The following SLC25A20 variants were observed in gnomAD, a reference collection of about 807,000 sequenced individuals.
SLC25A20 encodes the protein solute carrier family 25 member 20.
SLC25A20 carries 29 observed loss-of-function variants against 39.7 expected under a neutral mutation model. The observed-to-expected ratio is 0.73, with a 90% confidence interval of 0.54 to 1.00. The LOEUF (loss-of-function observed/expected upper bound fraction) is 1.00, where lower values mean the gene tolerates loss of function less well. SLC25A20 is among the 50% of genes least tolerant of loss of function. SLC25A20 has a pLI of 0.00. For missense variants in SLC25A20, 333 were observed against 379.9 expected, an observed-to-expected ratio of 0.88 and a Z score of 1.03; for synonymous variants, 103 against 142.2, an observed-to-expected ratio of 0.72 and a Z score of 1.96.
intron 4 of SLC25A20, among the ~76,000 whole-genome samples, chr3:48,865,676 C>T (rs1246468001): frequency 1.5e-5 from 2 of 134,384 alleles, no homozygotes; most frequent in Non-Finnish European, 3.2e-5. Context: ...GGCTGAGGCA[C>T]AAGAATCACT....
intron 1 of SLC25A20, among the ~76,000 whole-genome samples, chr3:48,895,075 C>A (rs2083902113): frequency 6.6e-6 from 1 of 152,152 alleles, no homozygotes; most frequent in South Asian, 2.1e-4. Context: ...ATGGTGCGAT[C>A]TGGGCTCACC....
intron 4 of SLC25A20, among the ~76,000 whole-genome samples, chr3:48,878,017 C>T (rs2083771139): frequency 6.6e-6 from 1 of 151,920 alleles, no homozygotes; most frequent in Admixed American, 6.6e-5. Context: ...AATCCCAGAA[C>T]TTTGGGAGGC....
At chr3:48,895,774 C>G (rs1197248041) in intron 1 of SLC25A20, 2 of 456,578 alleles carry the variant, frequency 4.4e-6, no homozygotes, top group South Asian at 1.5e-5. Context: ...CAAAATCCCT[C>G]ATATTGTCCT....
At chr3:48,863,739 G>A (rs1480055962) in intron 4 of SLC25A20, among the ~76,000 whole-genome samples, 4 of 152,136 alleles carry the variant, frequency 2.6e-5, no homozygotes, top group African/African-American at 7.2e-5. Flanking sequence ...AGAAAAGGCC[G>A]GGCACGGTGG....
intron 3 of SLC25A20, among the ~76,000 whole-genome samples, chr3:48,880,285 T>C (rs1414712814): frequency 6.6e-6 from 1 of 151,988 alleles, no homozygotes; most frequent in Non-Finnish European, 1.5e-5. Flanking sequence ...GTCTTTTTGT[T>C]TGTTTGTGTT....
intron 4 of SLC25A20, among the ~76,000 whole-genome samples, chr3:48,873,519 GA>G (rs2083732634): frequency 6.6e-6 from 1 of 151,772 alleles, no homozygotes; most frequent in Non-Finnish European, 1.5e-5. Context: ...TGAAGCAGGA[GA>G]ATGGCATGAA....
intron 2 of SLC25A20, among the ~76,000 whole-genome samples, chr3:48,885,750 C>G (rs918008300): frequency 2.0e-5 from 3 of 151,938 alleles, no homozygotes; most frequent in African/African-American, 7.3e-5. Context: ...TGCAGTGAGC[C>G]GAGATTGTGC....
chr3:48,870,287 G>C (rs1421460423), intron 4 of SLC25A20, among the ~76,000 whole-genome samples: 2 of 152,188 alleles, frequency 1.3e-5, no homozygotes, highest in Non-Finnish European at 2.9e-5. Flanking sequence ...TGTAGTCCCA[G>C]CTACGCGGGA....
chr3:48,890,987 C>T lies in SLC25A20; in HGVS notation c.198+993G>A, dbSNP rs148341124. On this transcript the variant is annotated intron_variant, in intron 2 of 8. Transcript: ENST00000319017. ...GTCTTGTATTCAATAAATATCAGCG[C>T]GCCCAGCCATGCAAGGCCACTACCA... Among the ~76,000 whole-genome samples, 1,266 of 151,996 alleles carry T rather than the reference C, an allele frequency of 8.3e-3. 12 individuals carry two copies. Among genetic ancestry groups the T allele is most frequent in the African/African-American group, 0.028 (1,142 of 41,486 alleles).
chr3:48,869,030 T>C (rs1057117997), intron 4 of SLC25A20, among the ~76,000 whole-genome samples: 6 of 152,130 alleles, frequency 3.9e-5, no homozygotes, highest in African/African-American at 1.4e-4. Flanking sequence ...TACTTAGCAA[T>C]AAAAATGAGC....
intron 5 of SLC25A20, among the ~76,000 whole-genome samples, chr3:48,861,775 C>G (rs1248889521): frequency 6.6e-6 from 1 of 151,670 alleles, no homozygotes; most frequent in Non-Finnish European, 1.5e-5. Context: ...ACCAGTAATC[C>G]CGGCACCTTG....
intron 1 of SLC25A20, 105 bp from the exon 2 acceptor site, chr3:48,892,177 G>T: frequency 1.2e-6 from 1 of 845,924 alleles, no homozygotes; most frequent in Non-Finnish European, 2.0e-6. Flanking sequence ...CTGTACCCTT[G>T]TACATGTCTT....
intron 4 of SLC25A20, among the ~76,000 whole-genome samples, chr3:48,865,071 A>G (rs1207508410): frequency 6.6e-6 from 1 of 152,204 alleles, no homozygotes; most frequent in African/African-American, 2.4e-5. Flanking sequence ...ACCTATTAGC[A>G]TCCACATAGA....
At chr3:48,879,990 G>A (rs1264043052) in intron 3 of SLC25A20, among the ~76,000 whole-genome samples, 1 of 152,162 alleles carries the variant, frequency 6.6e-6, no homozygotes, top group Non-Finnish European at 1.5e-5. Flanking sequence ...AAGGAGGATG[G>A]CTGTGGCCAC....
chr3:48,862,457 C>T, intron 5 of SLC25A20, 85 bp downstream of exon 5: 2 of 835,208 alleles, frequency 2.4e-6, no homozygotes, highest in Non-Finnish European at 4.2e-6. Flanking sequence ...CAAGGCTAAT[C>T]TGGCAATCCA....
At chr3:48,876,877 C>A (rs1427132680) in intron 4 of SLC25A20, among the ~76,000 whole-genome samples, 2 of 151,742 alleles carry the variant, frequency 1.3e-5, no homozygotes, top group African/African-American at 4.8e-5. Flanking sequence ...GGGTGGATCA[C>A]CTCAGGTCAG....
intron 3 of SLC25A20, among the ~76,000 whole-genome samples, chr3:48,883,689 C>T (rs1203921069): frequency 5.2e-5 from 7 of 134,888 alleles, no homozygotes; most frequent in East Asian, 2.5e-4. Flanking sequence ...GGTGCCATCT[C>T]GGCTCACTGC....
chr3:48,893,178 C>T (rs933865111), intron 1 of SLC25A20, among the ~76,000 whole-genome samples: 1 of 151,936 alleles, frequency 6.6e-6, no homozygotes, highest in African/African-American at 2.4e-5. Flanking sequence ...CAGGTGCACA[C>T]CACAATGCCA....
At chr3:48,862,349 G>A (rs2083634509) in intron 5 of SLC25A20, among the ~76,000 whole-genome samples, 193 bp downstream of exon 5, 1 of 152,166 alleles carries the variant, frequency 6.6e-6, no homozygotes, top group African/African-American at 2.4e-5. Context: ...GCAGACACCT[G>A]GGAAAGATGG....
Sources: allele counts gnomAD v4.1 joint callset (sites outside exome capture counted in the v4.1 genomes callset), GRCh38; gene constraint gnomAD v4.1.1; transcripts MANE v1.5; gene names NCBI Gene and HGNC (gene_info 2026-07-23, HGNC 2026-07-21).